The following SLC28A1 variants were observed in gnomAD, a reference collection of about 807,000 sequenced individuals.
The protein encoded by SLC28A1 is sodium/nucleoside cotransporter 1.
In SLC28A1, 64 loss-of-function variants were observed where a neutral mutation model predicts 74.8. The ratio of observed to expected loss-of-function variants is 0.86; its 90% confidence interval spans 0.70 to 1.05. The LOEUF (loss-of-function observed/expected upper bound fraction) is 1.05. SLC28A1 is among the 50% of genes least tolerant of loss of function. The pLI is 0.00. For missense variants in SLC28A1, 828 were observed against 822.8 expected (o/e 1.01, Z -0.08); for synonymous variants, 359 against 335.0 (o/e 1.07, Z -0.78).
At chr15:84,974,569 G>C in the SLC28A1 span, among the ~76,000 whole-genome samples, 4 of 152,208 alleles carry the variant, frequency 2.6e-5, no homozygotes, top group Non-Finnish European at 5.9e-5. Context: ...GCTATGGTGG[G>C]ATTGTGGAAG....
intron 5 of SLC28A1, among the ~76,000 whole-genome samples, chr15:84,893,532 A>G (rs752473427): frequency 2.6e-5 from 4 of 151,210 alleles, no homozygotes; most frequent in Non-Finnish European, 4.4e-5. Flanking sequence ...ATTTCTGTCC[A>G]TTTGGAACCT....
At chr15:84,904,278 C>T (rs1966856757) in intron 7 of SLC28A1, 40 bp downstream of exon 7, 2 of 1,611,608 alleles carry the variant, frequency 1.2e-6, no homozygotes, top group Non-Finnish European at 1.7e-6. Flanking sequence ...GAAGTGTTTG[C>T]CTCTCTCTTC....
At chr15:84,945,077 G>A (rs564377924) in intron 18 of SLC28A1, 48 bp from the exon 19 acceptor site, 37 of 1,551,050 alleles carry the variant, frequency 2.4e-5, no homozygotes, top group Non-Finnish European at 3.0e-5. Flanking sequence ...GTGGTGGCCC[G>A]CAGAACCAGG....
the SLC28A1 span, among the ~76,000 whole-genome samples, chr15:84,974,944 C>T: frequency 6.6e-6 from 1 of 152,160 alleles, no homozygotes; most frequent in African/African-American, 2.4e-5. Context: ...CAGCCATTAA[C>T]ATGGTACAGG....
chr15:84,962,923 T>C, the SLC28A1 span, among the ~76,000 whole-genome samples: 4 of 152,062 alleles, frequency 2.6e-5, no homozygotes, highest in Non-Finnish European at 5.9e-5. Flanking sequence ...TCCCTCACAA[T>C]TCCCACATTC....
chr15:84,946,072 G>GTGTA (rs1567196101), downstream of SLC28A1, among the ~76,000 whole-genome samples: 12 of 58,504 alleles, frequency 2.1e-4, no homozygotes, highest in Non-Finnish European at 3.3e-4. Flanking sequence ...ATATATATAT[G>GTGTA]TGTGTGTATG....
the SLC28A1 span, among the ~76,000 whole-genome samples, chr15:84,957,002 G>GT: frequency 6.6e-6 from 1 of 151,656 alleles, no homozygotes; most frequent in African/African-American, 2.4e-5. Flanking sequence ...CATATACCTT[G>GT]TTTTTTTGTT....
At chr15:84,901,467 C>T (rs987160871) in intron 6 of SLC28A1, among the ~76,000 whole-genome samples, 1 of 151,954 alleles carries the variant, frequency 6.6e-6, no homozygotes, top group Admixed American at 6.6e-5. Flanking sequence ...GGATCTTGTG[C>T]CTCTGCACTC....
the SLC28A1 span, among the ~76,000 whole-genome samples, chr15:84,963,632 C>A: frequency 6.6e-6 from 1 of 152,178 alleles, no homozygotes; most frequent in Non-Finnish European, 1.5e-5. Flanking sequence ...CAGCTGCCCC[C>A]CCGAGCCTGT....
intron 12 of SLC28A1, among the ~76,000 whole-genome samples, chr15:84,925,444 C>CA (rs1392278171): frequency 4.6e-5 from 7 of 151,880 alleles, no homozygotes; most frequent in Admixed American, 2.6e-4. Flanking sequence ...ACTAAAAATA[C>CA]AAAAAAATAG....
At position 84,904,177 on chromosome 15, in the gene SLC28A1, CCTT is replaced by C; in HGVS notation, c.544_546del (p.Phe182del). On this transcript the variant is annotated inframe_deletion, in exon 7 of 19. Transcript: ENST00000394573. ...TCCCAGCGGCCTGAGCAACTGGTGT[CCTT>C]CGCAGGAATCTGCGTGTTCGTCGCT... The C allele has an allele frequency of 6.2e-7, 1 of 1,614,208 alleles. No individual in the cohort carries two copies. The highest frequency in any genetic ancestry group is 8.5e-7 in the Non-Finnish European group (1 of 1,180,036).
At position 84,923,179 on chromosome 15, in the gene SLC28A1, C is replaced by T. The variant is rs370947839; in HGVS notation, c.958-806C>T. ...TCTGGAACTCCTGACCTCAGCCAAT[C>T]CTACCACCTCAGCCTCCCAAAGTGC... On this transcript the variant is annotated intron_variant, in intron 11 of 18. Transcript: ENST00000394573. Among the ~76,000 whole-genome samples, 26 of 152,310 alleles carry T rather than the reference C, an allele frequency of 1.7e-4. 1 individual carries two copies. In the East Asian group the frequency reaches 4.6e-3, roughly 27 times the overall value.
At position 84,895,109 on chromosome 15, in the gene SLC28A1, G is replaced by A; in HGVS notation, c.447G>A (p.Leu149=). The change falls in exon 6 of 19, where the codon CTG becomes CTA. Residue 149 remains leucine (L), a synonymous_variant. Coordinates refer to ENST00000394573, the MANE Select transcript of SLC28A1 (RefSeq NM_004213.5). ...AGCCTCAGGGCCATCCCCGCCTGCT[G>A]CTCTGGTTTAAGAGGTGAGTGAGCT... The part of the protein sequence containing the change: ...FLKPQGHPRL[L]LWFKRGLALA... 3 of 1,614,010 alleles carry A rather than the reference G, an allele frequency of 1.9e-6. No individual in the cohort carries two copies. Among genetic ancestry groups the A allele is most frequent in the African/African-American group, 1.3e-5 (1 of 75,062 alleles).
At chr15:84,924,202 C>A in intron 12 of SLC28A1, 92 bp downstream of exon 12, 1 of 1,413,574 alleles carries the variant, frequency 7.1e-7, no homozygotes. Context: ...GAGCAGCCCT[C>A]AGATCTTCTC....
rs1374868404 is a variant in SLC28A1 at position 84,945,156 on chromosome 15, GACAACTGCTGTCGGTTTTACAACCAC to G, written c.1909_1934del (p.Asn637AspfsTer56). 3 of 1,613,978 alleles carry G rather than the reference GACAACTGCTGTCGGTTTTACAACCAC, an allele frequency of 1.9e-6. No individual in the cohort carries two copies. Among genetic ancestry groups the G allele is most frequent in the African/African-American group, 1.3e-5 (1 of 74,908 alleles). ...TCCAGAGTTCAGCCCAGAGGCCCTGGACAACTGCTGTCGGTTTTACAACCACACGATCTGTGCACAGTGAGGACAGA... is the reference window on the plus strand; with the variant it reads ...TCCAGAGTTCAGCCCAGAGGCCCTGGACGATCTGTGCACAGTGAGGACAGA... On this transcript the variant is annotated frameshift_variant, in exon 19 of 19. Coordinates refer to ENST00000394573, the MANE Select transcript of SLC28A1 (RefSeq NM_004213.5). LOFTEE classifies it high-confidence loss of function.
chr15:84,918,740 GTCCCCTGTTCCCAGTGCC>G, intron 10 of SLC28A1, 136 bp downstream of exon 10: 1 of 756,854 alleles, frequency 1.3e-6, no homozygotes, highest in Non-Finnish European at 2.4e-6. Flanking sequence ...CCCTTCCAGA[GTCCCCTGTTCCCAGTGCC>G]TCCACCTTCC....
At chr15:84,950,694 ACT>A (rs747104948), downstream of SLC28A1, among the ~76,000 whole-genome samples, 42 of 151,848 alleles carry the variant, frequency 2.8e-4, no homozygotes, top group Admixed American at 9.8e-4. Flanking sequence ...GACAAGAGTG[ACT>A]CTGTCTTAAA....
the SLC28A1 span, among the ~76,000 whole-genome samples, chr15:84,963,252 A>T: frequency 6.6e-6 from 1 of 152,132 alleles, no homozygotes; most frequent in Non-Finnish European, 1.5e-5. Flanking sequence ...CCTTACTCTC[A>T]TGCTCACCAA....
intron 9 of SLC28A1, among the ~76,000 whole-genome samples, chr15:84,917,033 AAAAAAAATAAAT>A (rs1325626100): frequency 7.0e-6 from 1 of 143,188 alleles, no homozygotes; most frequent in Non-Finnish European, 1.5e-5. Flanking sequence ...GTCTCAAAAA[AAAAAAAATAAAT>A]AAAAAAGGTA....
Sources: gnomAD v4.1 joint callset for allele counts (sites outside exome capture counted in the v4.1 genomes callset) on GRCh38, gnomAD v4.1.1 for gene constraint, MANE v1.5 for transcripts, NCBI Gene and HGNC (gene_info 2026-07-23, HGNC 2026-07-21) for gene names.